Variants in EFCAB6 observed in about 807,000 individuals in gnomAD.
EFCAB6 encodes EF-hand calcium-binding domain-containing protein 6.
Under a neutral mutation model 169.8 loss-of-function variants are expected in EFCAB6, and 156 were observed. That is an observed-to-expected ratio of 0.92 (90% CI 0.81 to 1.05). The LOEUF (loss-of-function observed/expected upper bound fraction) is 1.05. Ranked by LOEUF, EFCAB6 falls within the 50% of genes least tolerant of loss-of-function variation. EFCAB6 has a pLI of 0.00. For synonymous variants in EFCAB6, 698 were observed against 676.4 expected, an observed-to-expected ratio of 1.03 and a Z score of -0.50; for missense variants, 1,800 against 1,829.1, an observed-to-expected ratio of 0.98 and a Z score of 0.29.
In EFCAB6 at chr22:43,570,602, T is replaced by C. The variant is rs144804753; in HGVS notation, c.3420+5695A>G. 3.2e-3 allele frequency among the ~76,000 whole-genome samples: 426 copies of C among 133,706 alleles called. 2 individuals are homozygous for C. Among genetic ancestry groups the C allele is most frequent in the African/African-American group, 0.011 (405 of 35,254 alleles). The allele number at this position is 133,706 out of a possible 152,430, so 87.7% of individuals were successfully genotyped here. ...ATGAGAAGGTGTGTGTGCTGCCGTT[T>C]AGGTGTTCTCTTTTTTTTTTTTTTC... On this transcript the variant is annotated intron_variant, in intron 26 of 31. Transcript: ENST00000262726.
intron 20 of EFCAB6, among the ~76,000 whole-genome samples, chr22:43,623,574 A>G (rs1447445551): frequency 6.6e-6 from 1 of 151,998 alleles, no homozygotes; most frequent in Non-Finnish European, 1.5e-5. Context: ...GAGGGGCCCA[A>G]CCAAGAGGGC....
At chr22:43,627,607 C>A (rs1391501768) in intron 19 of EFCAB6, among the ~76,000 whole-genome samples, 1 of 152,200 alleles carries the variant, frequency 6.6e-6, no homozygotes, top group African/African-American at 2.4e-5. Flanking sequence ...GGGGCCAATG[C>A]CTGTTTCCCA....
At chr22:43,742,203 A>G (rs1398268143) in intron 6 of EFCAB6, among the ~76,000 whole-genome samples, 1 of 152,200 alleles carries the variant, frequency 6.6e-6, no homozygotes, top group Non-Finnish European at 1.5e-5. Flanking sequence ...ACATTTTTAA[A>G]TGGTTGAAAA....
intron 31 of EFCAB6, among the ~76,000 whole-genome samples, chr22:43,529,636 T>C (rs574708237): frequency 6.6e-6 from 1 of 152,270 alleles, no homozygotes; most frequent in East Asian, 1.9e-4. Flanking sequence ...TTCTCTCCTG[T>C]TTTTCCACCT....
intron 11 of EFCAB6, among the ~76,000 whole-genome samples, chr22:43,686,824 A>C (rs1183194796): frequency 1.3e-5 from 2 of 152,242 alleles, no homozygotes; most frequent in African/African-American, 4.8e-5. Context: ...CATAGAGGGC[A>C]ATGAATACAG....
At chr22:43,582,501 A>C (rs1276622986) in intron 24 of EFCAB6, among the ~76,000 whole-genome samples, 3 of 152,222 alleles carry the variant, frequency 2.0e-5, no homozygotes, top group African/African-American at 7.2e-5. Flanking sequence ...GAATTTAAAA[A>C]GTTTCAGTTC....
chr22:43,665,392 C>A (rs1428579232), intron 17 of EFCAB6, among the ~76,000 whole-genome samples: 1 of 152,208 alleles, frequency 6.6e-6, no homozygotes, highest in Non-Finnish European at 1.5e-5. Flanking sequence ...GCCTTACCAA[C>A]ATCTACTGCC....
At chr22:43,724,234 G>A (rs1044105453) in intron 8 of EFCAB6, among the ~76,000 whole-genome samples, 1 of 152,132 alleles carries the variant, frequency 6.6e-6, no homozygotes, top group African/African-American at 2.4e-5. Flanking sequence ...CTATGGCATG[G>A]ATACAATGCA....
At chr22:43,679,897 T>C (rs1260072264) in intron 12 of EFCAB6, among the ~76,000 whole-genome samples, 3 of 152,312 alleles carry the variant, frequency 2.0e-5, no homozygotes, top group African/African-American at 4.8e-5. Flanking sequence ...TTACCAGATA[T>C]ATGATTTGCA....
chr22:43,601,671 GTTC>G (rs1192702771), intron 22 of EFCAB6, among the ~76,000 whole-genome samples: 3 of 152,224 alleles, frequency 2.0e-5, no homozygotes, highest in African/African-American at 7.2e-5. Flanking sequence ...TAAAGAAAAT[GTTC>G]TTATTGACCA....
At chr22:43,612,029 T>C (rs2053345928) in intron 21 of EFCAB6, among the ~76,000 whole-genome samples, 2 of 152,086 alleles carry the variant, frequency 1.3e-5, no homozygotes, top group Admixed American at 6.6e-5. Context: ...CATCTGATCT[T>C]CAACAAAGCT....
intron 8 of EFCAB6, among the ~76,000 whole-genome samples, chr22:43,723,020 A>G (rs1004054123): frequency 6.6e-6 from 1 of 152,248 alleles, no homozygotes; most frequent in Non-Finnish European, 1.5e-5. Flanking sequence ...AGTTTATTCC[A>G]ACCCTAATGG....
At position 43,716,882 on chromosome 22, in the gene EFCAB6, G is replaced by A; in HGVS notation, c.848C>T (p.Ser283Phe). 2 of 1,603,230 alleles carry A rather than the reference G, an allele frequency of 1.2e-6. No homozygotes were observed. The change falls in exon 9 of 32, where the codon TCC (serine) becomes TTC (phenylalanine). Residue 283 changes from serine to phenylalanine, a missense_variant. Physicochemically the swap from Ser to Phe is radical, Grantham distance 155. Transcript: ENST00000262726. ...ASSEDIWRNY[S>F]LDEIERNFCL... ...AAAGTTCCTCTCAATTTCATCCAAG[G>A]AGTAGTTTCTCCAGATATCTTCAGA...
chr22:43,629,639 C>T (rs936567971), intron 19 of EFCAB6, among the ~76,000 whole-genome samples: 2 of 151,960 alleles, frequency 1.3e-5, no homozygotes, highest in Non-Finnish European at 2.9e-5. Flanking sequence ...CTATGAGGGA[C>T]GTGAGGAGAG....
At chr22:43,626,423 C>A (rs1369519020) in intron 20 of EFCAB6, 24 bp downstream of exon 20, 1 of 1,609,090 alleles carries the variant, frequency 6.2e-7, no homozygotes, top group East Asian at 2.2e-5. Context: ...ATATTAAAGA[C>A]ACAGACCCGT....
chr22:43,802,627 TA>T (rs1274684236), intron 2 of EFCAB6: 5 of 477,276 alleles, frequency 1.0e-5, no homozygotes, highest in Non-Finnish European at 4.1e-6. Flanking sequence ...AGCCCAAGCC[TA>T]AAAGGGCCCC....
Position 43,782,335 on chromosome 22 carries a change from A to G in EFCAB6, c.-7-10T>C. Reference sequence around the variant, plus strand: ...TTTGCACATTAAATCCCTGTGATATAAAAGAAAACAGATTACGTTACCTTA... The same window carrying G: ...TTTGCACATTAAATCCCTGTGATATGAAAGAAAACAGATTACGTTACCTTA... On this transcript the variant is annotated splice_polypyrimidine_tract_variant and intron_variant, in intron 2 of 31. Transcript: ENST00000262726. 2.5e-6 allele frequency: 4 copies of G among 1,609,326 alleles called. No individual in the cohort carries two copies. Among genetic ancestry groups the G allele is most frequent in the South Asian group, 1.1e-5 (1 of 89,920 alleles).
At chr22:43,676,084 T>C (rs1460799813) in intron 13 of EFCAB6, among the ~76,000 whole-genome samples, 1 of 151,850 alleles carries the variant, frequency 6.6e-6, no homozygotes, top group Non-Finnish European at 1.5e-5. Flanking sequence ...GCTCATCATA[T>C]AACGTGAAGC....
intron 24 of EFCAB6, among the ~76,000 whole-genome samples, chr22:43,581,206 T>G (rs1195816715): frequency 1.3e-5 from 2 of 152,028 alleles, no homozygotes. Flanking sequence ...ACTTAGAAAT[T>G]GCAGTGGGAT....
Sources: gnomAD v4.1 joint callset for allele counts (sites outside exome capture counted in the v4.1 genomes callset) on GRCh38, gnomAD v4.1.1 for gene constraint, MANE v1.5 for transcripts, NCBI Gene and HGNC (gene_info 2026-07-23, HGNC 2026-07-21) for gene names.